The following SLC49A4 variants were observed in gnomAD, a reference collection of about 807,000 sequenced individuals.
SLC49A4 encodes solute carrier family 49 member 4.
Under a neutral mutation model 50.6 loss-of-function variants are expected in SLC49A4, and 36 were observed. The ratio of observed to expected loss-of-function variants is 0.71; its 90% CI spans 0.55 to 0.94. The LOEUF (loss-of-function observed/expected upper bound fraction) is 0.94, where lower values mean the gene tolerates loss of function less well. Ranked by LOEUF, SLC49A4 falls within the 40% of genes least tolerant of loss-of-function variation. The pLI, the probability that SLC49A4 is intolerant of heterozygous loss-of-function variation, is 0.00. For missense variants in SLC49A4, 503 were observed against 605.7 expected (o/e 0.83, Z 1.78); for synonymous variants, 248 against 241.2 (o/e 1.03, Z -0.26).
At chr3:122,859,386 G>T (rs1346251449) in intron 6 of SLC49A4, among the ~76,000 whole-genome samples, 1 of 152,204 alleles carries the variant, frequency 6.6e-6, no homozygotes, top group Non-Finnish European at 1.5e-5. Flanking sequence ...AGAGGCTCTG[G>T]TGTAGGCATC....
chr3:122,860,280 C>T lies in SLC49A4; in HGVS notation c.1138+78C>T. Reference sequence around the variant, plus strand: ...GTACATAACTCTGACAGTAGGACTTCTTCTTGCTTTCTGTAAGTAATTGTT... The same window carrying T: ...GTACATAACTCTGACAGTAGGACTTTTTCTTGCTTTCTGTAAGTAATTGTT... On this transcript the variant is annotated intron_variant, in intron 7 of 8. Transcript: ENST00000261038. 3 of 1,313,892 alleles carry T rather than the reference C, an allele frequency of 2.3e-6. No homozygotes were observed. In the South Asian group the frequency reaches 6.4e-5, roughly 28 times the overall value. 81.4% of individuals were successfully genotyped at this position (1,313,892 alleles called of 1,614,324 possible).
At chr3:122,807,099 A>G (rs974671940) in intron 2 of SLC49A4, 149 bp downstream of exon 2, 4 of 517,540 alleles carry the variant, frequency 7.7e-6, no homozygotes, top group African/African-American at 2.0e-5. Flanking sequence ...ATCAGTTGTC[A>G]TGGAAGACAC....
rs184298957 is a variant in SLC49A4, at chr3:122,826,900, G to A, written c.538G>A (p.Ala180Thr). The A allele has an allele frequency of 3.7e-6, 6 of 1,614,012 alleles. No individual in the cohort carries two copies. The highest frequency in any genetic ancestry group is 5.1e-6 in the Non-Finnish European group (6 of 1,180,014). Residue 180 changes from alanine (A) to threonine (T), a missense_variant, in exon 3 of 9, where the codon GCC becomes ACC. Coordinates refer to ENST00000261038, the MANE Select transcript of SLC49A4 (RefSeq NM_032839.3). ...GACGTGGTTTTCTGCAGATGAAAGG[G>A]CCACAGCCACAGCTATTGCATCAAT... is the stretch of plus-strand genomic sequence containing the variant. ...STTWFSADERATATAIASMLS... is the reference protein window; with the variant it reads ...STTWFSADERTTATAIASMLS...
At chr3:122,821,001 G>C (rs572390833) in intron 2 of SLC49A4, among the ~76,000 whole-genome samples, 1 of 152,322 alleles carries the variant, frequency 6.6e-6, no homozygotes, top group Non-Finnish European at 1.5e-5. Context: ...TGAATCGGGG[G>C]TGGTTACCCC....
chr3:122,850,665 G>A (rs566048479), intron 5 of SLC49A4, among the ~76,000 whole-genome samples: 8 of 152,050 alleles, frequency 5.3e-5, no homozygotes, highest in South Asian at 2.1e-4. Context: ...ACACCACCAC[G>A]CCCAGCTAAT....
chr3:122,832,545 A>G (rs192774265), intron 3 of SLC49A4, among the ~76,000 whole-genome samples: 27 of 152,276 alleles, frequency 1.8e-4, no homozygotes, highest in Middle Eastern at 3.4e-3. Context: ...GTCTTATACA[A>G]TGCATCAGAC....
chr3:122,835,165 A>C (rs1351121931), intron 4 of SLC49A4, among the ~76,000 whole-genome samples: 2 of 152,164 alleles, frequency 1.3e-5, no homozygotes, highest in African/African-American at 4.8e-5. Flanking sequence ...TACTGAAACT[A>C]TTCCAAAAGA....
intron 3 of SLC49A4, among the ~76,000 whole-genome samples, chr3:122,830,082 G>A (rs973425277): frequency 1.3e-5 from 2 of 152,148 alleles, no homozygotes; most frequent in Non-Finnish European, 2.9e-5. Context: ...ATTTGCAATA[G>A]CATCAAAAAG....
chr3:122,807,017 A>G, intron 2 of SLC49A4, 67 bp downstream of exon 2: 1 of 916,294 alleles, frequency 1.1e-6, no homozygotes, highest in Admixed American at 2.1e-5. Flanking sequence ...TTTTAAGAAG[A>G]TCAGTAAAGG....
intron 4 of SLC49A4, among the ~76,000 whole-genome samples, chr3:122,840,859 G>A (rs1483620200): frequency 6.6e-6 from 1 of 152,106 alleles, no homozygotes; most frequent in Non-Finnish European, 1.5e-5. Context: ...ACAGATATTT[G>A]CTATCGTTAG....
rs1463562704 is a variant in SLC49A4, at chr3:122,806,792, C to G, written c.344-65C>G. 5 of 947,134 alleles carry G rather than the reference C, an allele frequency of 5.3e-6. No homozygotes were observed. In the African/African-American group the frequency reaches 8.3e-5, roughly 16 times the overall value. 58.7% of individuals were successfully genotyped at this position (947,134 alleles called of 1,614,324 possible). On this transcript the variant is annotated intron_variant, in intron 1 of 8. Transcript: ENST00000261038. The stretch of plus-strand genomic sequence containing the variant: ...GTCAGTATGATTGACTAAAAATAAT[C>G]TTTATTTTTAACATTGGACTTAGGA...
chr3:122,817,747 ATTTTTTTTTTT>A (rs77819385), intron 2 of SLC49A4, among the ~76,000 whole-genome samples: 13 of 71,866 alleles, frequency 1.8e-4, no homozygotes, highest in African/African-American at 5.1e-4. Flanking sequence ...CACCCAGCTA[ATTTTTTTTTTT>A]TTTTTTTTTT....
chr3:122,852,688 C>G (rs1370083197), intron 5 of SLC49A4, among the ~76,000 whole-genome samples: 1 of 152,110 alleles, frequency 6.6e-6, no homozygotes, highest in East Asian at 1.9e-4. Flanking sequence ...CTCTTAGGTA[C>G]AGCCCTTCAG....
chr3:122,824,713 TTTCTTTTTTTTTCC>T lies in SLC49A4; in HGVS notation c.438-2074_438-2061del, dbSNP rs1290209888. Among the ~76,000 whole-genome samples the T allele has an allele frequency of 2.4e-3, 349 of 142,734 alleles. 1 individual carries two copies. Among genetic ancestry groups the T allele is most frequent in the Non-Finnish European group, 3.6e-3 (240 of 66,878 alleles). 93.6% of individuals were successfully genotyped at this position (142,734 alleles called of 152,430 possible). The stretch of plus-strand genomic sequence containing the variant: ...CCCTTCCTTTCTTCCTTTCCTTTCC[TTTCTTTTTTTTTCC>T]TTCTTTTTTTTTTTTTTTTTTTTGA... On this transcript the variant is annotated intron_variant, in intron 2 of 8. Coordinates refer to ENST00000261038, the MANE Select transcript of SLC49A4 (RefSeq NM_032839.3).
intron 7 of SLC49A4, among the ~76,000 whole-genome samples, chr3:122,869,986 A>G (rs1937177215): frequency 7.7e-6 from 1 of 129,422 alleles, no homozygotes; most frequent in Non-Finnish European, 1.7e-5. Context: ...CTCTATATTG[A>G]TAGTTCCCTT....
At chr3:122,842,241 C>G (rs1936780767) in intron 4 of SLC49A4, among the ~76,000 whole-genome samples, 1 of 152,124 alleles carries the variant, frequency 6.6e-6, no homozygotes, top group East Asian at 1.9e-4. Context: ...AATCCCAGCA[C>G]TTTGGGAGGC....
intron 2 of SLC49A4, among the ~76,000 whole-genome samples, chr3:122,818,046 T>C (rs1936398829): frequency 6.6e-6 from 1 of 152,168 alleles, no homozygotes; most frequent in Non-Finnish European, 1.5e-5. Context: ...TTTAACTTAC[T>C]GACCCTAAAA....
chr3:122,844,022 C>T (rs1936815458), intron 4 of SLC49A4, among the ~76,000 whole-genome samples: 1 of 152,178 alleles, frequency 6.6e-6, no homozygotes. Flanking sequence ...TTACCATAAA[C>T]ACTACTGCAG....
At chr3:122,825,909 G>A (rs978471183) in intron 2 of SLC49A4, among the ~76,000 whole-genome samples, 8 of 152,112 alleles carry the variant, frequency 5.3e-5, no homozygotes, top group African/African-American at 1.7e-4. Context: ...AGGAACAGGA[G>A]TGCTAAGGAG....
Sources: allele counts gnomAD v4.1 joint callset (sites outside exome capture counted in the v4.1 genomes callset), GRCh38; gene constraint gnomAD v4.1.1; transcripts MANE v1.5; gene names NCBI Gene and HGNC (gene_info 2026-07-23, HGNC 2026-07-21).